AGAP1: variants seen among roughly 807,000 people sequenced by gnomAD.
AGAP1 encodes ArfGAP with GTPase domain, ankyrin repeat and PH domain 1.
Under a neutral mutation model 105.3 loss-of-function variants are expected in AGAP1, and 29 were observed. That is an observed-to-expected ratio of 0.28 (90% confidence interval 0.21 to 0.38). The LOEUF (loss-of-function observed/expected upper bound fraction) is 0.38, where lower values mean the gene tolerates loss of function less well. Among genes scored for constraint, AGAP1 ranks in the 10% least tolerant of loss-of-function variants. The probability of loss-of-function intolerance (pLI) is 1.00; values close to 1 mark genes in which losing one functional copy is unlikely to be tolerated. For missense variants in AGAP1, 998 were observed against 1,165.1 expected (o/e 0.86, Z 2.09); for synonymous variants, 509 against 485.9 (o/e 1.05, Z -0.63).
At chr2:236,086,825 T>G (rs2058940205) in intron 16 of AGAP1, among the ~76,000 whole-genome samples, 1 of 151,944 alleles carries the variant, frequency 6.6e-6, no homozygotes, top group South Asian at 2.1e-4. Flanking sequence ...TTGCATAAAT[T>G]TAATTTCTTC....
intron 12 of AGAP1, among the ~76,000 whole-genome samples, chr2:235,941,847 G>GC (rs2053270534): frequency 1.1e-5 from 1 of 91,742 alleles, no homozygotes; most frequent in South Asian, 5.3e-4. Flanking sequence ...GAGCTTTGTT[G>GC]TTGGGGGGGT....
intron 15 of AGAP1, among the ~76,000 whole-genome samples, chr2:236,047,032 G>A (rs551036698): frequency 7.5e-4 from 115 of 152,324 alleles, no homozygotes; most frequent in African/African-American, 2.7e-3. Flanking sequence ...GAGAAGCTGA[G>A]GCAGGAGGAT....
chr2:235,919,031 A>G lies in AGAP1; in HGVS notation c.1324+10125A>G, dbSNP rs897211453. Among the ~76,000 whole-genome samples, 6 of 152,136 alleles carry G rather than the reference A, an allele frequency of 3.9e-5. No homozygotes were observed. The highest frequency in any genetic ancestry group is 8.8e-5 in the Non-Finnish European group (6 of 68,018). On this transcript the variant is annotated intron_variant, in intron 11 of 17. Coordinates refer to ENST00000304032, the MANE Select transcript of AGAP1 (RefSeq NM_001037131.3). This position sits in a 1 kb window ranked among gnomAD's most constrained non-coding sequence, Gnocchi z 4.1. ...GTGCTTCAAACACTTTTTTTCTCTC[A>G]AAAATGTGTGTGGGCAGGGAGGAAT... is the stretch of plus-strand genomic sequence containing the variant.
chr2:235,725,285 TTAAA>T lies in AGAP1; in HGVS notation c.310+7644_310+7647del, dbSNP rs957335210. ...ATGTGTTCTCAGGAGCACGTGTATCTTAAATATGTTTTAACGAATGTTTACTTAG... is the reference window on the plus strand; with the variant it reads ...ATGTGTTCTCAGGAGCACGTGTATCTTATGTTTTAACGAATGTTTACTTAG... On this transcript the variant is annotated intron_variant, in intron 3 of 17. Coordinates refer to ENST00000304032, the MANE Select transcript of AGAP1 (RefSeq NM_001037131.3). This position sits in a 1 kb window ranked among gnomAD's most constrained non-coding sequence, Gnocchi z 5.7. Among the ~76,000 whole-genome samples the T allele has an allele frequency of 6.6e-6, 1 of 152,222 alleles. No homozygotes were observed. The highest frequency in any genetic ancestry group is 1.5e-5 in the Non-Finnish European group (1 of 68,038).
intron 1 of AGAP1, among the ~76,000 whole-genome samples, chr2:235,618,875 C>A (rs1467383441): frequency 6.6e-6 from 1 of 152,036 alleles, no homozygotes; most frequent in Non-Finnish European, 1.5e-5. Context: ...AAGTTAAGGA[C>A]CTTGCGTTGG....
chr2:235,808,277 G>A (rs1957946248), intron 9 of AGAP1, among the ~76,000 whole-genome samples: 1 of 152,232 alleles, frequency 6.6e-6, no homozygotes, highest in Non-Finnish European at 1.5e-5. Context: ...CTCCGGTCCA[G>A]CTCACTGCTT....
At chr2:235,640,622 G>A (rs985048897) in intron 1 of AGAP1, among the ~76,000 whole-genome samples, 3 of 152,174 alleles carry the variant, frequency 2.0e-5, no homozygotes, top group African/African-American at 7.2e-5. Flanking sequence ...ATGACTGCAG[G>A]AAAAACCATG....
intron 16 of AGAP1, among the ~76,000 whole-genome samples, chr2:236,086,982 A>G (rs1025568278): frequency 6.6e-6 from 1 of 151,898 alleles, no homozygotes; most frequent in Non-Finnish European, 1.5e-5. Context: ...GGGGGAAAAA[A>G]GTTTTGGCAA....
In AGAP1 at chr2:235,957,868, T is replaced by G. The variant is rs2054014077; in HGVS notation, c.1484-10594T>G. Among the ~76,000 whole-genome samples, 1 of 152,228 alleles carries G rather than the reference T, an allele frequency of 6.6e-6. No individual in the cohort carries two copies. ...GCTTCAGCCCTCAACTGATTTCCTCTCCTGGCACCTACAAATGGGCCTGTC... is the reference window on the plus strand; with the variant it reads ...GCTTCAGCCCTCAACTGATTTCCTCGCCTGGCACCTACAAATGGGCCTGTC... On this transcript the variant is annotated intron_variant, in intron 12 of 17. Coordinates refer to ENST00000304032, the MANE Select transcript of AGAP1 (RefSeq NM_001037131.3). This position sits in a 1 kb window ranked among gnomAD's most constrained non-coding sequence, Gnocchi z 4.6.
rs2050644125 is a variant in AGAP1 at position 235,893,412 on chromosome 2, G to C, written c.1155+9963G>C. Among the ~76,000 whole-genome samples the C allele has an allele frequency of 6.6e-6, 1 of 150,520 alleles. No homozygotes were observed. Among genetic ancestry groups the C allele is most frequent in the Admixed American group, 6.6e-5 (1 of 15,122 alleles). The stretch of plus-strand genomic sequence containing the variant: ...TGTGGCGTGGGTGTAGCGTGTCTTT[G>C]GTGTGGGTGTGCCGTGTCCATCATA... On this transcript the variant is annotated intron_variant, in intron 10 of 17. Coordinates refer to ENST00000304032, the MANE Select transcript of AGAP1 (RefSeq NM_001037131.3). This position sits in a 1 kb window ranked among gnomAD's most constrained non-coding sequence, Gnocchi z 4.7.
In AGAP1 at chr2:235,741,170, T is replaced by C; in HGVS notation, c.396+122T>C. On this transcript the variant is annotated intron_variant, in intron 4 of 17. Transcript: ENST00000304032. The surrounding 1 kb of genome is among the most constrained non-coding windows in gnomAD (Gnocchi z 4.9). The stretch of plus-strand genomic sequence containing the variant: ...AAAAAAGTGGAAACCCCATAAAAAA[T>C]GTTTCCTCTCACTGCATTTTTTTCT... 1 of 743,422 alleles carries C rather than the reference T, an allele frequency of 1.3e-6. No homozygotes were observed. The highest frequency in any genetic ancestry group is 2.0e-6 in the Non-Finnish European group (1 of 495,444). The allele number at this position is 743,422 out of a possible 1,614,324, so 46.1% of individuals were successfully genotyped here.
intron 1 of AGAP1, among the ~76,000 whole-genome samples, chr2:235,707,870 C>T (rs1950632017): frequency 6.6e-6 from 1 of 150,646 alleles, no homozygotes; most frequent in Non-Finnish European, 1.5e-5. Flanking sequence ...GTAGGACATG[C>T]TCCCCAGCAT....
At position 235,904,577 on chromosome 2, in the gene AGAP1, A is replaced by G. The variant is rs181750093; in HGVS notation, c.1156-4161A>G. ...TTATCTTCGATCAGCATTTTCAACA[A>G]GGAACATGGAGAAGGGTAGTATCTG... On this transcript the variant is annotated intron_variant, in intron 10 of 17. Transcript: ENST00000304032. This position sits in a 1 kb window ranked among gnomAD's most constrained non-coding sequence, Gnocchi z 4.2. Among the ~76,000 whole-genome samples, 3 of 152,308 alleles carry G rather than the reference A, an allele frequency of 2.0e-5. No homozygotes were observed. The highest frequency in any genetic ancestry group is 4.4e-5 in the Non-Finnish European group (3 of 68,026).
intron 1 of AGAP1, among the ~76,000 whole-genome samples, chr2:235,540,981 A>AT (rs1027879632): frequency 4.0e-5 from 6 of 151,668 alleles, no homozygotes; most frequent in Non-Finnish European, 5.9e-5. Flanking sequence ...TAGACTTACA[A>AT]TTTTTTTTTA....
Position 236,040,968 on chromosome 2 carries a change from A to G in AGAP1, c.1891+127A>G. The G allele has an allele frequency of 1.1e-6, 1 of 900,334 alleles. No individual in the cohort carries two copies. The highest frequency in any genetic ancestry group is 1.7e-6 in the Non-Finnish European group (1 of 587,392). The allele number at this position is 900,334 out of a possible 1,614,324, so 55.8% of individuals were successfully genotyped here. The stretch of plus-strand genomic sequence containing the variant: ...CAGATAAGAGTTAACTGCTTTTAGG[A>G]AATTGAGATATTTTGTTTGGATTTT... On this transcript the variant is annotated intron_variant, in intron 15 of 17. Transcript: ENST00000304032. This position sits in a 1 kb window ranked among gnomAD's most constrained non-coding sequence, Gnocchi z 5.6.
chr2:235,686,636 TA>T (rs1559350659), intron 1 of AGAP1, among the ~76,000 whole-genome samples: 1,999 of 50,720 alleles, frequency 0.039, 83 homozygotes, highest in East Asian at 0.16. Flanking sequence ...TATATATATA[TA>T]TATATATAGA....
rs2055087354 is a variant in AGAP1, at chr2:235,981,374, A to G, written c.1645+12751A>G. Among the ~76,000 whole-genome samples, 1 of 152,084 alleles carries G rather than the reference A, an allele frequency of 6.6e-6. No individual in the cohort carries two copies. Among genetic ancestry groups the G allele is most frequent in the East Asian group, 1.9e-4 (1 of 5,188 alleles). On this transcript the variant is annotated intron_variant, in intron 13 of 17. Coordinates refer to ENST00000304032, the MANE Select transcript of AGAP1 (RefSeq NM_001037131.3). This position sits in a 1 kb window ranked among gnomAD's most constrained non-coding sequence, Gnocchi z 5.5. ...CTTCAGTTGGTTTTCTGCAGAAGCCATGATATACTGTAGGCATGGTTACCA... is the reference window on the plus strand; with the variant it reads ...CTTCAGTTGGTTTTCTGCAGAAGCCGTGATATACTGTAGGCATGGTTACCA...
At chr2:235,844,448 T>G (rs1961234942) in intron 9 of AGAP1, among the ~76,000 whole-genome samples, 1 of 152,116 alleles carries the variant, frequency 6.6e-6, no homozygotes, top group African/African-American at 2.4e-5. Context: ...CATATAAAAT[T>G]TTATCATTTT....
At chr2:235,709,917 T>A (rs1389406271) in intron 2 of AGAP1, among the ~76,000 whole-genome samples, 1 of 152,166 alleles carries the variant, frequency 6.6e-6, no homozygotes, top group Non-Finnish European at 1.5e-5. Flanking sequence ...GTGGCATTTG[T>A]GTGTATGGTT....
Sources: allele counts gnomAD v4.1 joint callset (sites outside exome capture counted in the v4.1 genomes callset), GRCh38; gene constraint gnomAD v4.1.1; non-coding constraint Gnocchi (gnomAD v3.1); transcripts MANE v1.5; gene names NCBI Gene and HGNC (gene_info 2026-07-23, HGNC 2026-07-21).